Variants in PRRG1 observed in about 807,000 individuals in gnomAD.
PRRG1 encodes the protein proline rich and Gla domain 1.
A neutral mutation model predicts 11.8 loss-of-function variants in PRRG1; 5 were observed. The ratio of observed to expected loss-of-function variants is 0.42; its 90% CI spans 0.22 to 0.89. PRRG1 has a LOEUF of 0.89. Among genes scored for constraint, PRRG1 ranks in the 40% least tolerant of loss-of-function variants. PRRG1 has a pLI of 0.28. For missense variants in PRRG1, 155 were observed against 166.1 expected (o/e 0.93, Z 0.37); for synonymous variants, 66 against 60.4 (o/e 1.09, Z -0.43).
intron 1 of PRRG1, among the ~76,000 whole-genome samples, chrX:37,368,997 C>T (rs1556370161): frequency 6.3e-5 from 7 of 111,672 alleles, no homozygotes. Context: ...GTAAAACAAA[C>T]TCCCCTCTAC....
intron 1 of PRRG1, among the ~76,000 whole-genome samples, chrX:37,402,797 A>T (rs1163262276): frequency 1.8e-5 from 2 of 111,449 alleles, no homozygotes; most frequent in African/African-American, 6.5e-5. Flanking sequence ...GAAAAAAACA[A>T]CCCCATCAAA....
chrX:37,403,883 C>T, intron 1 of PRRG1: 1 of 461,301 alleles, frequency 2.2e-6, no homozygotes, highest in Non-Finnish European at 2.7e-6. Context: ...AGATGCTGAT[C>T]TTTGGAAGTT....
chrX:37,452,553 C>T (rs1338250832), intron 3 of PRRG1, among the ~76,000 whole-genome samples: 3 of 112,006 alleles, frequency 2.7e-5, no homozygotes, highest in African/African-American at 6.5e-5. Flanking sequence ...CTCCTAGGAA[C>T]AATATATAAT....
intron 3 of PRRG1, among the ~76,000 whole-genome samples, chrX:37,432,471 G>T (rs1182798902): frequency 1.8e-5 from 2 of 111,014 alleles, no homozygotes; most frequent in East Asian, 5.6e-4. Context: ...ACAGAGACAG[G>T]ATGCTGCATG....
rs1921338710 is a variant in PRRG1 at position 37,455,920 on chromosome X, C to T, written c.*2299C>T. On this transcript the variant is annotated 3_prime_UTR_variant, in exon 4 of 4. Transcript: ENST00000378628. ...AGTATGGCCAATGGACCCCTGGGTT[C>T]CTTGAGAGCCTTTCAGGGGGGACTA... 1 of 111,586 alleles carries T rather than the reference C, an allele frequency of 9.0e-6. No homozygotes were observed. The highest frequency in any genetic ancestry group is 3.3e-5 in the African/African-American group (1 of 30,684). 9.2% of individuals were successfully genotyped at this position (111,586 alleles called of 1,213,427 possible). A position where few individuals can be genotyped will look rare whatever the true frequency, so the allele number is the denominator to read the frequency against.
chrX:37,396,425 C>A (rs1258715891), intron 1 of PRRG1, among the ~76,000 whole-genome samples: 2 of 111,624 alleles, frequency 1.8e-5, no homozygotes, highest in African/African-American at 6.5e-5. Context: ...GTAATTGAAT[C>A]ATGGGGGGCA....
At chrX:37,398,005 CACACACACACAT>C (rs782031714) in intron 1 of PRRG1, among the ~76,000 whole-genome samples, 32 of 99,878 alleles carry the variant, frequency 3.2e-4, no homozygotes, top group African/African-American at 1.1e-3. Flanking sequence ...CACACACACA[CACACACACACAT>C]ACACGCTGAA....
chrX:37,383,457 G>A (rs1168093112), intron 1 of PRRG1, among the ~76,000 whole-genome samples: 1 of 110,903 alleles, frequency 9.0e-6, no homozygotes, highest in Admixed American at 9.6e-5. Flanking sequence ...TAGTTGTAAT[G>A]TGATATTCTT....
At chrX:37,351,393 A>G (rs782140504) in intron 1 of PRRG1, among the ~76,000 whole-genome samples, 13 of 109,506 alleles carry the variant, frequency 1.2e-4, no homozygotes, top group Non-Finnish European at 2.5e-4. Context: ...TACTAGGGAG[A>G]CTGAGGCAGG....
At chrX:37,377,569 G>T (rs184780732) in intron 1 of PRRG1, among the ~76,000 whole-genome samples, 52 of 111,892 alleles carry the variant, frequency 4.6e-4, no homozygotes, top group African/African-American at 1.7e-3. Flanking sequence ...TAATGCACAT[G>T]TAAGAGATTA....
chrX:37,408,212 G>C (rs1374852176), intron 2 of PRRG1, among the ~76,000 whole-genome samples: 3 of 111,400 alleles, frequency 2.7e-5, no homozygotes, highest in African/African-American at 9.8e-5. Context: ...TAGATAAAAC[G>C]ACACAGATAC....
At chrX:37,442,217 C>T (rs1932995399) in intron 3 of PRRG1, 1 of 751,717 alleles carries the variant, frequency 1.3e-6, no homozygotes, top group Non-Finnish European at 1.6e-6. Context: ...TATCTGTTCT[C>T]AAAGCAATAA....
chrX:37,437,891 G>A (rs1556392396), intron 3 of PRRG1, among the ~76,000 whole-genome samples: 3 of 111,391 alleles, frequency 2.7e-5, no homozygotes, highest in Middle Eastern at 4.6e-3. Context: ...CCAATGATGA[G>A]AGAGAGGTGT....
Position 37,444,433 on chromosome X carries a change from C to T in PRRG1, c.172-8703C>T, listed in dbSNP as rs1340163493. On this transcript the variant is annotated intron_variant, in intron 3 of 3. Coordinates refer to ENST00000378628, the MANE Select transcript of PRRG1 (RefSeq NM_001142395.2). Reference sequence around the variant, plus strand: ...CAGCTTAGCCATTCGTGTTGACTTGCACAAGTCATTAAATTTTTTTGTGCC... The same window carrying T: ...CAGCTTAGCCATTCGTGTTGACTTGTACAAGTCATTAAATTTTTTTGTGCC... Among the ~76,000 whole-genome samples, 30 of 112,146 alleles carry T rather than the reference C, an allele frequency of 2.7e-4. No individual in the cohort carries two copies. The Admixed American group carries it at 2.8e-3, about 11-fold the overall frequency.
At chrX:37,429,223 G>T (rs1171809755) in intron 3 of PRRG1, among the ~76,000 whole-genome samples, 1 of 112,341 alleles carries the variant, frequency 8.9e-6, no homozygotes, top group Admixed American at 9.4e-5. Context: ...TCCTTGTTAT[G>T]CAAATTTCTG....
chrX:37,372,344 C>T (rs1930789280), intron 1 of PRRG1, among the ~76,000 whole-genome samples: 1 of 111,998 alleles, frequency 8.9e-6, no homozygotes, highest in Non-Finnish European at 1.9e-5. Flanking sequence ...TGTTCTGTTG[C>T]CCAGGCTGGA....
At chrX:37,362,353 T>C (rs1930439085) in intron 1 of PRRG1, among the ~76,000 whole-genome samples, 1 of 111,289 alleles carries the variant, frequency 9.0e-6, no homozygotes, top group East Asian at 2.8e-4. Context: ...CCTACTGCTG[T>C]TGTTCTAGCA....
intron 2 of PRRG1, among the ~76,000 whole-genome samples, chrX:37,423,571 G>T (rs1602022891): frequency 9.1e-6 from 1 of 109,362 alleles, no homozygotes; most frequent in African/African-American, 3.3e-5. Flanking sequence ...GTCTCACTGT[G>T]TTGCCCAGGC....
chrX:37,442,554 G>A (rs1340036149), intron 3 of PRRG1, among the ~76,000 whole-genome samples: 1 of 111,568 alleles, frequency 9.0e-6, no homozygotes, highest in East Asian at 2.8e-4. Context: ...ACATGGTACA[G>A]TGTAAAACAA....
Sources: allele counts gnomAD v4.1 joint callset (sites outside exome capture counted in the v4.1 genomes callset), GRCh38; gene constraint gnomAD v4.1.1; transcripts MANE v1.5; gene names NCBI Gene and HGNC (gene_info 2026-07-23, HGNC 2026-07-21).